The following PAX3 variants were observed in gnomAD, a reference collection of about 807,000 sequenced individuals.
PAX3 encodes the protein paired box 3, also known as paired box protein Pax-3.
Under a neutral mutation model 51.6 loss-of-function variants are expected in PAX3, and 14 were observed. The ratio of observed to expected loss-of-function variants is 0.27; its 90% CI spans 0.18 to 0.42. The LOEUF (loss-of-function observed/expected upper bound fraction) is 0.42. Among genes scored for constraint, PAX3 ranks in the 10% least tolerant of loss-of-function variants. The probability of loss-of-function intolerance (pLI) is 1.00; values close to 1 mark genes in which losing one functional copy is unlikely to be tolerated. For missense variants in PAX3, 540 were observed against 642.8 expected (o/e 0.84, Z 1.73); for synonymous variants, 280 against 253.4 (o/e 1.11, Z -1.00).
chr2:222,221,113 C>A, intron 6 of PAX3, 109 bp downstream of exon 6: 1 of 1,039,968 alleles, frequency 9.6e-7, no homozygotes, highest in Non-Finnish European at 1.5e-6. Flanking sequence ...TGATGTATTA[C>A]AATTAACAAC....
intron 4 of PAX3, among the ~76,000 whole-genome samples, chr2:222,268,665 A>T (rs1694142989): frequency 6.6e-6 from 1 of 152,086 alleles, no homozygotes; most frequent in Admixed American, 6.5e-5. Flanking sequence ...CAAATCCTTC[A>T]TATTATTTGA....
chr2:222,274,160 G>A (rs1309851769), intron 4 of PAX3, among the ~76,000 whole-genome samples: 2 of 151,990 alleles, frequency 1.3e-5, no homozygotes, highest in African/African-American at 4.8e-5. Flanking sequence ...ATTCTAAAAG[G>A]ATATTTTTAA....
intron 4 of PAX3, among the ~76,000 whole-genome samples, chr2:222,282,198 G>A (rs1694671054): frequency 6.6e-6 from 1 of 152,094 alleles, no homozygotes; most frequent in African/African-American, 2.4e-5. Flanking sequence ...CATAGCTCCA[G>A]TTTTCTCGGG....
rs574036225 is a variant in PAX3, at chr2:222,201,129, A to G, written c.*279T>C. On this transcript the variant is annotated 3_prime_UTR_variant, in exon 9 of 9. Coordinates refer to ENST00000392070, the MANE Select transcript of PAX3 (RefSeq NM_181458.4). ...CACTAAAGAATTGGGATGTTTTGATATGTAACCATGTGAAACCATTGCCTT... is the reference window on the plus strand; with the variant it reads ...CACTAAAGAATTGGGATGTTTTGATGTGTAACCATGTGAAACCATTGCCTT... 25 of 1,603,956 alleles carry G rather than the reference A, an allele frequency of 1.6e-5. No individual in the cohort carries two copies. Among genetic ancestry groups the G allele is most frequent in the Non-Finnish European group, 2.0e-5 (24 of 1,171,370 alleles).
At chr2:222,227,560 C>A (rs1692431340) in intron 5 of PAX3, among the ~76,000 whole-genome samples, 1 of 152,022 alleles carries the variant, frequency 6.6e-6, no homozygotes, top group African/African-American at 2.4e-5. Flanking sequence ...CCACTGTACT[C>A]CAGTGCACTC....
intron 7 of PAX3, 121 bp downstream of exon 7, chr2:222,220,019 T>C: frequency 1.2e-6 from 1 of 845,882 alleles, no homozygotes; most frequent in Non-Finnish European, 1.9e-6. Flanking sequence ...TGAAATCATG[T>C]GGCTTCTATA....
intron 7 of PAX3, among the ~76,000 whole-genome samples, chr2:222,203,381 C>G (rs1029751704): frequency 6.6e-6 from 1 of 151,978 alleles, no homozygotes; most frequent in Non-Finnish European, 1.5e-5. Context: ...AAGAGCCCCC[C>G]CGAAGACACA....
intron 4 of PAX3, among the ~76,000 whole-genome samples, chr2:222,256,481 A>T (rs1693650030): frequency 6.7e-6 from 1 of 148,232 alleles, no homozygotes. Flanking sequence ...CTCCCTCTCC[A>T]CTCCCACTGA....
At chr2:222,277,795 A>G (rs1017600250) in intron 4 of PAX3, among the ~76,000 whole-genome samples, 1 of 151,972 alleles carries the variant, frequency 6.6e-6, no homozygotes, top group Non-Finnish European at 1.5e-5. Context: ...TTAGCCTGGC[A>G]TAGTGGCACG....
chr2:222,204,122 C>T (rs1691415052), intron 7 of PAX3, among the ~76,000 whole-genome samples: 1 of 152,030 alleles, frequency 6.6e-6, no homozygotes. Context: ...CACAAAACAT[C>T]ATTTGTGGCA....
intron 7 of PAX3, among the ~76,000 whole-genome samples, chr2:222,210,640 A>T (rs2106050623): frequency 6.6e-6 from 1 of 152,252 alleles, no homozygotes; most frequent in South Asian, 2.1e-4. Context: ...TTCTCAAATA[A>T]ATTGATCTTA....
At chr2:222,269,545 T>G (rs1016057021) in intron 4 of PAX3, among the ~76,000 whole-genome samples, 1 of 151,858 alleles carries the variant, frequency 6.6e-6, no homozygotes. Context: ...TAGTGATTAG[T>G]GCAAACAAAC....
chr2:222,259,343 G>T (rs1346613659), intron 4 of PAX3, among the ~76,000 whole-genome samples: 1 of 152,180 alleles, frequency 6.6e-6, no homozygotes, highest in Non-Finnish European at 1.5e-5. Context: ...GACATTAAAG[G>T]CAGGAATCAC....
intron 4 of PAX3, chr2:222,287,617 A>C (rs920132336): frequency 6.6e-6 from 1 of 152,254 alleles, no homozygotes; most frequent in African/African-American, 2.4e-5. Flanking sequence ...ATCTAATGCT[A>C]TATCTAGACC....
chr2:222,221,231 T>G lies in PAX3; in HGVS notation c.949A>C (p.Ile317Leu), dbSNP rs1389436609. ...GACTCTTCCTCGGTACCTTGTGGAATAGATGTGGGCTGGTAAGAGGTCTCC... is the reference window on the plus strand; with the variant it reads ...GACTCTTCCTCGGTACCTTGTGGAAGAGATGTGGGCTGGTAAGAGGTCTCC... The part of the protein sequence containing the change: ...LSETSYQPTS[I>L]PQAVSDPSST... The change falls in exon 6 of 9, where the codon ATT becomes CTT. Residue 317 changes from isoleucine (I) to leucine (L), a missense_variant. Physicochemically the swap from Ile to Leu is conservative, Grantham distance 5. Coordinates refer to ENST00000392070, the MANE Select transcript of PAX3 (RefSeq NM_181458.4). 1.9e-6 allele frequency: 3 copies of G among 1,613,814 alleles called. No individual in the cohort carries two copies. Among genetic ancestry groups the G allele is most frequent in the Non-Finnish European group, 2.5e-6 (3 of 1,179,898 alleles).
intron 3 of PAX3, among the ~76,000 whole-genome samples, chr2:222,294,855 A>T (rs1158528971): frequency 1.4e-5 from 2 of 142,446 alleles, no homozygotes; most frequent in Non-Finnish European, 3.0e-5. Context: ...TTTCAACTGC[A>T]GAATCGTTTC....
rs184821151 is a variant in PAX3 at position 222,247,285 on chromosome 2, G to T, written c.587-15002C>A. Among the ~76,000 whole-genome samples, 434 of 152,302 alleles carry T rather than the reference G, an allele frequency of 2.8e-3. 1 individual carries two copies. The highest frequency in any genetic ancestry group is 6.2e-4 in the Non-Finnish European group (42 of 68,026). On this transcript the variant is annotated intron_variant, in intron 4 of 8. Transcript: ENST00000392070. ...GAGTTTAAGCCTCTGCACAGAGAGA[G>T]TGACAAGAGAAGAAAACCAGTGGAA...
intron 4 of PAX3, among the ~76,000 whole-genome samples, chr2:222,237,360 A>ACACACACT (rs56992152): frequency 1.3e-5 from 2 of 149,408 alleles, no homozygotes; most frequent in South Asian, 4.2e-4. Context: ...ACACACACAC[A>ACACACACT]GTTCTTTTGA....
intron 7 of PAX3, among the ~76,000 whole-genome samples, chr2:222,216,573 C>G (rs1299597780): frequency 6.6e-6 from 1 of 152,140 alleles, no homozygotes; most frequent in Non-Finnish European, 1.5e-5. Flanking sequence ...GAAGCTGAGA[C>G]CTTCTCTGAG....
Sources: allele counts gnomAD v4.1 joint callset (sites outside exome capture counted in the v4.1 genomes callset), GRCh38; gene constraint gnomAD v4.1.1; transcripts MANE v1.5; gene names NCBI Gene and HGNC (gene_info 2026-07-23, HGNC 2026-07-21).